The following CSMD1 variants were observed in gnomAD, a reference collection of about 807,000 sequenced individuals.
CSMD1 encodes CUB and Sushi multiple domains 1.
In CSMD1, 213 loss-of-function variants were observed where a neutral mutation model predicts 417.5. The ratio of observed to expected loss-of-function variants is 0.51; its 90% CI spans 0.46 to 0.57. The LOEUF is 0.57. Among genes scored for constraint, CSMD1 ranks in the 20% least tolerant of loss-of-function variants. The pLI is 0.00. For synonymous variants in CSMD1, 2,862 were observed against 1,736.8 expected, an observed-to-expected ratio of 1.65 and a Z score of -16.11; for missense variants, 6,923 against 4,529.7, an observed-to-expected ratio of 1.53 and a Z score of -15.17.
intron 57 of CSMD1, among the ~76,000 whole-genome samples, chr8:2,970,324 G>A (rs1333609667): frequency 6.6e-6 from 1 of 152,284 alleles, no homozygotes; most frequent in African/African-American, 2.4e-5. Context: ...AGGTAAACAT[G>A]ATACTGAATG....
chr8:3,226,309 G>T (rs1330155474), intron 27 of CSMD1, among the ~76,000 whole-genome samples: 1 of 152,136 alleles, frequency 6.6e-6, no homozygotes, highest in Admixed American at 6.6e-5. Context: ...GAAGCCGAAC[G>T]TGGTGGCTCA....
chr8:4,009,932 C>G (rs1450214719), intron 4 of CSMD1, among the ~76,000 whole-genome samples: 1 of 151,966 alleles, frequency 6.6e-6, no homozygotes, highest in Non-Finnish European at 1.5e-5. Context: ...TCCTCTGTCG[C>G]CCTTTATCCC....
At chr8:4,132,111 A>G (rs182172319) in intron 3 of CSMD1, among the ~76,000 whole-genome samples, 375 of 152,028 alleles carry the variant, frequency 2.5e-3, no homozygotes, top group African/African-American at 8.5e-3. Context: ...ATGGATCCCC[A>G]AAGTCTGTCT....
rs566981901 is a variant in CSMD1, at chr8:4,159,711, C to A, written c.416-127612G>T. Among the ~76,000 whole-genome samples, 14 of 152,266 alleles carry A rather than the reference C, an allele frequency of 9.2e-5. 1 individual carries two copies. The highest frequency in any genetic ancestry group is 2.9e-4 in the African/African-American group (12 of 41,554). ...TCACGCCATTCTCCTGCCTCAGCCT[C>A]CCGAGCAGCTGGGACTACAGGTGCC... On this transcript the variant is annotated intron_variant, in intron 3 of 69. Transcript: ENST00000635120.
chr8:3,568,170 G>A (rs1392081482), intron 10 of CSMD1, among the ~76,000 whole-genome samples: 1 of 151,978 alleles, frequency 6.6e-6, no homozygotes, highest in African/African-American at 2.4e-5. Flanking sequence ...CTTTTTGAGG[G>A]TTATAAAGTA....
chr8:3,894,562 G>C (rs887515167), intron 5 of CSMD1, among the ~76,000 whole-genome samples: 11 of 151,998 alleles, frequency 7.2e-5, no homozygotes, highest in African/African-American at 2.7e-4. Context: ...ACCTAAAATA[G>C]ATTTCTACAT....
At chr8:3,316,921 A>G (rs1168781573) in intron 23 of CSMD1, among the ~76,000 whole-genome samples, 1 of 152,180 alleles carries the variant, frequency 6.6e-6, no homozygotes, top group African/African-American at 2.4e-5. Context: ...AAGCAGGAAA[A>G]TCTGCAAAAG....
intron 1 of CSMD1, among the ~76,000 whole-genome samples, chr8:4,735,945 A>G (rs1285966736): frequency 6.6e-6 from 1 of 152,140 alleles, no homozygotes; most frequent in Non-Finnish European, 1.5e-5. Context: ...TTGCAACATA[A>G]AAATGTTATC....
chr8:4,460,178 G>T (rs547508369), intron 2 of CSMD1, among the ~76,000 whole-genome samples: 3 of 152,078 alleles, frequency 2.0e-5, no homozygotes, highest in African/African-American at 4.8e-5. Context: ...TGAGCTCAAT[G>T]CAAGAAAATT....
At chr8:3,347,533 T>C (rs1808095614) in intron 22 of CSMD1, among the ~76,000 whole-genome samples, 1 of 152,212 alleles carries the variant, frequency 6.6e-6, no homozygotes, top group Non-Finnish European at 1.5e-5. Flanking sequence ...CTTTCCACAG[T>C]ATGACCACAT....
chr8:3,799,217 C>G (rs1208669698), intron 5 of CSMD1, among the ~76,000 whole-genome samples: 7 of 151,942 alleles, frequency 4.6e-5, no homozygotes, highest in African/African-American at 1.5e-4. Flanking sequence ...TTACCTTTCA[C>G]AACTGATTCT....
intron 5 of CSMD1, among the ~76,000 whole-genome samples, chr8:3,986,812 G>C (rs1563287363): frequency 6.6e-6 from 1 of 152,034 alleles, no homozygotes; most frequent in African/African-American, 2.4e-5. Flanking sequence ...CTGGAATGCA[G>C]TGATGCGATC....
chr8:4,524,457 C>T (rs368551226), intron 2 of CSMD1, among the ~76,000 whole-genome samples: 26 of 151,988 alleles, frequency 1.7e-4, no homozygotes, highest in South Asian at 1.5e-3. Flanking sequence ...GTGGCTGAAA[C>T]AGGACAGCTG....
In CSMD1 at chr8:3,237,794, GTATAATTTTTATAATTATACTTATACTAC is replaced by G. The variant is rs1563171757; in HGVS notation, c.4154-7592_4154-7564del. On this transcript the variant is annotated intron_variant, in intron 26 of 69. Transcript: ENST00000635120. ...TTTTATAATTATACTTATACTACAA[GTATAATTTTTATAATTATACTTATACTAC>G]AAGTATAATTTTTATAATTATACTT... Among the ~76,000 whole-genome samples, 25 of 12,418 alleles carry G rather than the reference GTATAATTTTTATAATTATACTTATACTAC, an allele frequency of 2.0e-3. 4 individuals carry two copies. Among genetic ancestry groups the G allele is most frequent in the Middle Eastern group, 0.038 (1 of 26 alleles). The allele number at this position is 12,418 out of a possible 152,430, so 8.1% of individuals were successfully genotyped here.
chr8:4,631,973 G>C (rs1802542732), intron 2 of CSMD1, among the ~76,000 whole-genome samples: 1 of 152,166 alleles, frequency 6.6e-6, no homozygotes, highest in South Asian at 2.1e-4. Flanking sequence ...TTTCTAAGGA[G>C]TTTCTCTTAG....
At chr8:3,642,890 C>G (rs377394635) in intron 7 of CSMD1, among the ~76,000 whole-genome samples, 1 of 150,556 alleles carries the variant, frequency 6.6e-6, no homozygotes, top group Non-Finnish European at 1.5e-5. Context: ...ATTATACATA[C>G]ACACACATAT....
intron 10 of CSMD1, among the ~76,000 whole-genome samples, chr8:3,504,540 G>C (rs976926081): frequency 3.3e-5 from 5 of 152,246 alleles, no homozygotes; most frequent in East Asian, 1.9e-4. Flanking sequence ...ATGTCTGCCA[G>C]ACCCAGGCAC....
At chr8:4,453,616 C>G (rs1029210118) in intron 2 of CSMD1, among the ~76,000 whole-genome samples, 1 of 152,046 alleles carries the variant, frequency 6.6e-6, no homozygotes, top group Non-Finnish European at 1.5e-5. Flanking sequence ...CAGCACAGTG[C>G]TGAGAAATGT....
At chr8:4,233,375 G>C (rs954051452) in intron 3 of CSMD1, among the ~76,000 whole-genome samples, 3 of 152,134 alleles carry the variant, frequency 2.0e-5, no homozygotes, top group Admixed American at 6.5e-5. Context: ...CAGTGACTAA[G>C]TACTATGTTC....
Sources: allele counts gnomAD v4.1 joint callset (sites outside exome capture counted in the v4.1 genomes callset), GRCh38; gene constraint gnomAD v4.1.1; transcripts MANE v1.5; gene names NCBI Gene and HGNC (gene_info 2026-07-23, HGNC 2026-07-21).